Variants in FRAS1 observed in about 807,000 individuals in gnomAD.
FRAS1 encodes Fraser extracellular matrix complex subunit 1, also known as extracellular matrix organizing protein FRAS1.
A neutral mutation model predicts 435.2 loss-of-function variants in FRAS1; 290 were observed. The observed-to-expected ratio is 0.67, with a 90% CI of 0.61 to 0.73. The LOEUF (loss-of-function observed/expected upper bound fraction) is 0.73, where lower values mean the gene tolerates loss of function less well. Among genes scored for constraint, FRAS1 ranks in the 30% least tolerant of loss-of-function variants. The probability of loss-of-function intolerance (pLI) is 0.00; values close to 1 mark genes in which losing one functional copy is unlikely to be tolerated. For synonymous variants in FRAS1, 1,800 were observed against 1,851.0 expected (o/e 0.97, Z 0.71); for missense variants, 4,860 against 5,001.5 (o/e 0.97, Z 0.85).
rs757628072 is a variant in FRAS1 at position 78,379,838 on chromosome 4, C to T, written c.3405C>T (p.Val1135=). 31 of 1,613,656 alleles carry T rather than the reference C, an allele frequency of 1.9e-5. No homozygotes were observed. The highest frequency in any genetic ancestry group is 5.0e-5 in the Admixed American group (3 of 59,968). Reference sequence around the variant, plus strand: ...ATGTCCAAGACCAGGAGGGTAGGGTCGAAGATCTCCTATTTCATGTTGTGA... The same window carrying T: ...ATGTCCAAGACCAGGAGGGTAGGGTTGAAGATCTCCTATTTCATGTTGTGA... The part of the protein sequence containing the change: ...LLNVQDQEGR[V]EDLLFHVVST... Residue 1135 remains valine, a synonymous_variant, in exon 27 of 74, where the codon GTC becomes GTT. Coordinates refer to ENST00000512123, the MANE Select transcript of FRAS1 (RefSeq NM_025074.7).
intron 10 of FRAS1, among the ~76,000 whole-genome samples, chr4:78,279,752 A>G (rs1727238602): frequency 6.6e-6 from 1 of 152,148 alleles, no homozygotes; most frequent in Non-Finnish European, 1.5e-5. Flanking sequence ...TGGAATGTTG[A>G]TAAATTCATT....
intron 2 of FRAS1, among the ~76,000 whole-genome samples, chr4:78,110,452 C>T (rs1009600005): frequency 1.0e-5 from 1 of 96,486 alleles, no homozygotes; most frequent in African/African-American, 4.6e-5. Context: ...TGCCGCATGT[C>T]TACAACTATC....
chr4:78,471,365 T>C (rs564120773), intron 51 of FRAS1, among the ~76,000 whole-genome samples: 1 of 152,234 alleles, frequency 6.6e-6, no homozygotes, highest in South Asian at 2.1e-4. Flanking sequence ...ACTGGTTGGG[T>C]TTTAAAAAAA....
At chr4:78,092,488 T>A (rs1287567152) in intron 2 of FRAS1, among the ~76,000 whole-genome samples, 2 of 152,190 alleles carry the variant, frequency 1.3e-5, no homozygotes, top group Non-Finnish European at 2.9e-5. Flanking sequence ...CTCCTGTTTT[T>A]AAAACCAACA....
At chr4:78,078,522 A>C (rs1280088284) in intron 2 of FRAS1, among the ~76,000 whole-genome samples, 1 of 152,176 alleles carries the variant, frequency 6.6e-6, no homozygotes, top group Non-Finnish European at 1.5e-5. Flanking sequence ...TGGTATTAAC[A>C]AATTTGATGA....
intron 47 of FRAS1, among the ~76,000 whole-genome samples, chr4:78,455,420 A>AGG (rs148293537): frequency 0.16 from 23,785 of 148,732 alleles, 2,052 homozygotes; most frequent in Non-Finnish European, 0.2. Flanking sequence ...GGAGTTGAGG[A>AGG]GGGAGGGGGT....
chr4:78,337,172 T>G (rs1272951185), intron 19 of FRAS1, among the ~76,000 whole-genome samples: 2 of 152,208 alleles, frequency 1.3e-5, no homozygotes, highest in African/African-American at 2.4e-5. Context: ...TGGTAGTGGC[T>G]TGAAGGGAGT....
intron 2 of FRAS1, among the ~76,000 whole-genome samples, chr4:78,155,757 T>C (rs1318423009): frequency 6.6e-6 from 1 of 152,188 alleles, no homozygotes; most frequent in East Asian, 1.9e-4. Context: ...CCTGGCTTAC[T>C]TTCCCCAACT....
At position 78,508,972 on chromosome 4, in the gene FRAS1, C is replaced by T; in HGVS notation, c.9746C>T (p.Thr3249Ile). 6.2e-7 allele frequency: 1 copy of T among 1,614,006 alleles called. No individual in the cohort carries two copies. The highest frequency in any genetic ancestry group is 1.1e-5 in the South Asian group (1 of 91,086). The part of the protein sequence containing the change: ...NGARSPFETI[T>I]DNTPFTSVNH... Reference sequence around the variant, plus strand: ...GCCCGGTCTCCCTTTGAAACCATCACTGACAACACACCATTCACCAGTGTC... The same window carrying T: ...GCCCGGTCTCCCTTTGAAACCATCATTGACAACACACCATTCACCAGTGTC... The change falls in exon 63 of 74, where the codon ACT becomes ATT. Residue 3249 changes from threonine to isoleucine, a missense_variant. Physicochemically the swap from Thr to Ile is moderately conservative, Grantham distance 89. Coordinates refer to ENST00000512123, the MANE Select transcript of FRAS1 (RefSeq NM_025074.7).
At chr4:78,286,561 G>T in intron 14 of FRAS1, 22 bp downstream of exon 14, 1 of 1,607,886 alleles carries the variant, frequency 6.2e-7, no homozygotes, top group Non-Finnish European at 8.5e-7. Context: ...CTGGGCCACA[G>T]TTGGGCCAGC....
At chr4:78,087,725 G>A (rs1282300936) in intron 2 of FRAS1, among the ~76,000 whole-genome samples, 4 of 152,224 alleles carry the variant, frequency 2.6e-5, no homozygotes, top group Admixed American at 1.3e-4. Context: ...CAAGGGGCGC[G>A]AAGGACCTCT....
At chr4:78,435,742 A>G (rs1734397605) in intron 38 of FRAS1, among the ~76,000 whole-genome samples, 1 of 72,248 alleles carries the variant, frequency 1.4e-5, no homozygotes. Flanking sequence ...TGTCTCAAGA[A>G]AAAAAAAAAA....
chr4:78,387,601 C>T lies in FRAS1; in HGVS notation c.3875C>T (p.Ala1292Val), dbSNP rs536484759. The T allele has an allele frequency of 7.4e-6, 12 of 1,613,596 alleles. No individual in the cohort carries two copies. The African/African-American group carries it at 1.1e-4, about 14-fold the overall frequency. The change falls in exon 29 of 74, where the codon GCT (alanine) becomes GTT (valine). Residue 1292 changes from alanine (A) to valine (V), a missense_variant. Physicochemically the swap from Ala to Val is moderately conservative, Grantham distance 64 (BLOSUM62 0). Transcript: ENST00000512123. ...DELSRGLLHY[A>V]HDGSDSTSDV... ...CTCTCTAGAGGCCTTCTCCACTATG[C>T]TCATGATGGTTCAGACAGCACATCC...
Position 78,539,408 on chromosome 4 carries a change from G to A in FRAS1, c.11413G>A (p.Gly3805Arg). The change falls in exon 73 of 74, where the codon GGA (glycine) becomes AGA (arginine). Residue 3805 changes from glycine to arginine, a missense_variant. Gly to Arg is a moderately radical substitution (Grantham distance 125). Transcript: ENST00000512123. ...GGTCAGTAACATGCCAGGTGTGGATGGATTTACTCTAAAAGTAGATGCACT... is the reference window on the plus strand; with the variant it reads ...GGTCAGTAACATGCCAGGTGTGGATAGATTTACTCTAAAAGTAGATGCACT... ...HVVSNMPGVD[G>R]FTLKVDALYK... 6.2e-7 allele frequency: 1 copy of A among 1,610,864 alleles called. No homozygotes were observed. The highest frequency in any genetic ancestry group is 1.1e-5 in the South Asian group (1 of 90,520).
intron 2 of FRAS1, chr4:78,071,544 A>C (rs893672968): frequency 6.6e-6 from 1 of 152,082 alleles, no homozygotes; most frequent in Non-Finnish European, 1.5e-5. Context: ...AAATTAAGAG[A>C]GTTAGGTTAG....
chr4:78,432,658 G>T, intron 38 of FRAS1, 54 bp downstream of exon 38: 1 of 1,501,802 alleles, frequency 6.7e-7, no homozygotes, highest in South Asian at 1.4e-5. Context: ...TTCTGATGGG[G>T]CAGACTGGGC....
intron 2 of FRAS1, among the ~76,000 whole-genome samples, chr4:78,228,182 TC>T (rs1177323725): frequency 6.6e-6 from 1 of 152,174 alleles, no homozygotes; most frequent in African/African-American, 2.4e-5. Flanking sequence ...TTTACTTTTT[TC>T]CCCCATTTCC....
chr4:78,517,594 GTTGGTACC>G (rs1721248986), intron 66 of FRAS1, among the ~76,000 whole-genome samples: 1 of 152,220 alleles, frequency 6.6e-6, no homozygotes, highest in Admixed American at 6.5e-5. Context: ...CTAAGGCCTA[GTTGGTACC>G]TTTTGCTGTC....
chr4:78,258,668 CTTTT>C (rs1439628818), intron 6 of FRAS1, among the ~76,000 whole-genome samples: 1 of 143,276 alleles, frequency 7.0e-6, no homozygotes, highest in Non-Finnish European at 1.5e-5. Context: ...TTTTTTCATC[CTTTT>C]TTAACTTTTA....
Sources: gnomAD v4.1 joint callset for allele counts (sites outside exome capture counted in the v4.1 genomes callset) on GRCh38, gnomAD v4.1.1 for gene constraint, MANE v1.5 for transcripts, NCBI Gene and HGNC (gene_info 2026-07-23, HGNC 2026-07-21) for gene names.